ANKFN1: variants seen among roughly 807,000 people sequenced by gnomAD.
ANKFN1 encodes ankyrin repeat and fibronectin type-III domain-containing protein 1.
A neutral mutation model predicts 108.7 loss-of-function variants in ANKFN1; 74 were observed. The ratio of observed to expected loss-of-function variants is 0.68; its 90% CI spans 0.56 to 0.83. The LOEUF is 0.83. Among genes scored for constraint, ANKFN1 ranks in the 40% least tolerant of loss-of-function variants. ANKFN1 has a pLI of 0.00. For missense variants in ANKFN1, 1,505 were observed against 1,382.3 expected (o/e 1.09, Z -1.41); for synonymous variants, 547 against 516.2 (o/e 1.06, Z -0.81).
intron 3 of ANKFN1, among the ~76,000 whole-genome samples, chr17:56,277,384 C>G (rs1346796421): frequency 6.6e-6 from 1 of 152,018 alleles, no homozygotes; most frequent in Non-Finnish European, 1.5e-5. Context: ...AAAACTATTT[C>G]TTATTCATTT....
chr17:56,368,952 A>C (rs2046738684), intron 6 of ANKFN1, among the ~76,000 whole-genome samples: 1 of 152,232 alleles, frequency 6.6e-6, no homozygotes, highest in Non-Finnish European at 1.5e-5. Flanking sequence ...TTGTGGCAAC[A>C]GATAAGTTTG....
At chr17:56,106,840 C>G (rs1425011640) in intron 4 of ANKFN1, among the ~76,000 whole-genome samples, 3 of 152,066 alleles carry the variant, frequency 2.0e-5, no homozygotes, top group Non-Finnish European at 4.4e-5. Context: ...GGTTATGTTT[C>G]TGTATAACAA....
At chr17:56,407,467 G>T (rs1370416073) in intron 8 of ANKFN1, among the ~76,000 whole-genome samples, 1 of 152,192 alleles carries the variant, frequency 6.6e-6, no homozygotes, top group Non-Finnish European at 1.5e-5. Context: ...ATTAGTAAGT[G>T]AAGAAACCAG....
chr17:56,236,088 C>T (rs1042587681), intron 3 of ANKFN1, among the ~76,000 whole-genome samples: 2 of 151,614 alleles, frequency 1.3e-5, no homozygotes, highest in African/African-American at 4.8e-5. Context: ...GATGGAGTCT[C>T]ACTCTGTCAC....
At chr17:56,333,848 C>T (rs1207566234) in intron 4 of ANKFN1, among the ~76,000 whole-genome samples, 3 of 152,044 alleles carry the variant, frequency 2.0e-5, no homozygotes, top group Non-Finnish European at 4.4e-5. Context: ...AATTAACATT[C>T]CCATAAAAGG....
chr17:56,064,337 C>T (rs1051825953), intron 4 of ANKFN1, among the ~76,000 whole-genome samples: 3 of 152,228 alleles, frequency 2.0e-5, no homozygotes, highest in African/African-American at 7.2e-5. Flanking sequence ...GGAGGAAAGG[C>T]TAAGTGTGCT....
chr17:56,069,516 T>A (rs992292780), intron 4 of ANKFN1, among the ~76,000 whole-genome samples: 2 of 152,174 alleles, frequency 1.3e-5, no homozygotes, highest in Admixed American at 6.5e-5. Context: ...CTCTGAAGTA[T>A]GTTGGTGCAT....
At position 56,448,618 on chromosome 17, in the gene ANKFN1, T is replaced by G. The variant is rs993912497; in HGVS notation, c.1100-461T>G. 2.6e-5 allele frequency among the ~76,000 whole-genome samples: 4 copies of G among 152,162 alleles called. No individual in the cohort carries two copies. The South Asian group carries it at 6.2e-4, about 24-fold the overall frequency. On this transcript the variant is annotated intron_variant, in intron 10 of 20. Transcript: ENST00000682825. ...AAAGAAATGTCAATTTGGCCAAAAG[T>G]GTGAAACCTACAATAAAAGCACTGG... is the stretch of plus-strand genomic sequence containing the variant.
At chr17:56,395,480 A>G (rs1466501181) in intron 8 of ANKFN1, among the ~76,000 whole-genome samples, 1 of 152,216 alleles carries the variant, frequency 6.6e-6, no homozygotes, top group Non-Finnish European at 1.5e-5. Context: ...GAAGGTCCAT[A>G]AAGAATTCCA....
intron 8 of ANKFN1, among the ~76,000 whole-genome samples, chr17:56,390,265 TCAACTC>T (rs1455535011): frequency 6.6e-6 from 1 of 152,076 alleles, no homozygotes; most frequent in Non-Finnish European, 1.5e-5. Context: ...TTCTAATTGT[TCAACTC>T]CAACTTATGA....
intron 3 of ANKFN1, among the ~76,000 whole-genome samples, chr17:56,268,813 C>T (rs540537328): frequency 1.6e-4 from 24 of 152,178 alleles, no homozygotes; most frequent in Middle Eastern, 6.8e-3. Context: ...CTTCTTCCTA[C>T]CTGACATTCT....
intron 3 of ANKFN1, among the ~76,000 whole-genome samples, chr17:56,276,850 G>A (rs929851015): frequency 6.6e-6 from 1 of 152,032 alleles, no homozygotes; most frequent in African/African-American, 2.4e-5. Flanking sequence ...CATCCATGAT[G>A]TATTTCAATT....
Position 56,499,014 on chromosome 17 carries a change from A to C in ANKFN1, c.2560A>C (p.Ile854Leu). ...DPSDEQSLKKINSTSSSHIDC... is the reference protein window; with the variant it reads ...DPSDEQSLKKLNSTSSSHIDC... ...CTCAGATGAGCAGAGCCTAAAGAAG[A>C]TCAATTCTACATCATCATCACATAT... is the stretch of plus-strand genomic sequence containing the variant. The change falls in exon 20 of 21, where the codon ATC (isoleucine) becomes CTC (leucine). Residue 854 changes from isoleucine (I) to leucine (L), a missense_variant. Transcript: ENST00000682825. 2 of 1,535,776 alleles carry C rather than the reference A, an allele frequency of 1.3e-6. No individual in the cohort carries two copies. The highest frequency in any genetic ancestry group is 1.7e-6 in the Non-Finnish European group (2 of 1,146,658).
chr17:56,462,841 T>C (rs1019244637), intron 14 of ANKFN1, among the ~76,000 whole-genome samples: 3 of 152,116 alleles, frequency 2.0e-5, no homozygotes, highest in Non-Finnish European at 2.9e-5. Flanking sequence ...TTGGCCAGAG[T>C]AGCCAATCTA....
At position 56,496,490 on chromosome 17, in the gene ANKFN1, G is replaced by A. The variant is rs373062103; in HGVS notation, c.2428-2392G>A. Among the ~76,000 whole-genome samples the A allele has an allele frequency of 1.1e-4, 17 of 152,220 alleles. No homozygotes were observed. In the East Asian group the frequency reaches 1.9e-3, roughly 17 times the overall value. On this transcript the variant is annotated intron_variant, in intron 19 of 20. Transcript: ENST00000682825. ...TGGCAAGGCCACACTCCCTCTGGAG[G>A]CTCTAGAGGAGAATCTAGTCTCTGC... is the stretch of plus-strand genomic sequence containing the variant.
At chr17:56,238,449 C>T (rs534625900) in intron 3 of ANKFN1, among the ~76,000 whole-genome samples, 5 of 152,058 alleles carry the variant, frequency 3.3e-5, no homozygotes, top group South Asian at 2.1e-4. Context: ...ACTTGCTTTA[C>T]GAATCAAGGT....
chr17:56,352,676 A>G (rs1056031543), intron 5 of ANKFN1, among the ~76,000 whole-genome samples: 3 of 152,076 alleles, frequency 2.0e-5, no homozygotes, highest in Non-Finnish European at 2.9e-5. Flanking sequence ...TAAATATTCA[A>G]CTCTGGTCCC....
intron 2 of ANKFN1, among the ~76,000 whole-genome samples, chr17:56,217,645 T>C (rs1382110867): frequency 6.6e-6 from 1 of 151,480 alleles, no homozygotes; most frequent in African/African-American, 2.4e-5. Context: ...GCCCCAAATG[T>C]CCATAGTACT....
chr17:56,368,904 C>G (rs1481998343), intron 6 of ANKFN1, among the ~76,000 whole-genome samples: 2 of 152,146 alleles, frequency 1.3e-5, no homozygotes, highest in Non-Finnish European at 2.9e-5. Flanking sequence ...GGCTAAAGAG[C>G]TTTGTGATAT....
Sources: gnomAD v4.1 joint callset for allele counts (sites outside exome capture counted in the v4.1 genomes callset) on GRCh38, gnomAD v4.1.1 for gene constraint, MANE v1.5 for transcripts, NCBI Gene and HGNC (gene_info 2026-07-23, HGNC 2026-07-21) for gene names.